Variants in FAM222B observed in about 807,000 individuals in gnomAD.
FAM222B encodes protein FAM222B.
Under a neutral mutation model 38.0 loss-of-function variants are expected in FAM222B, and 12 were observed. That is an observed-to-expected ratio of 0.32 (90% CI 0.20 to 0.51). The LOEUF (loss-of-function observed/expected upper bound fraction) is 0.51, where lower values mean the gene tolerates loss of function less well. Ranked by LOEUF, FAM222B falls within the 20% of genes least tolerant of loss-of-function variation. FAM222B has a pLI of 0.97. For synonymous variants in FAM222B, 329 were observed against 317.2 expected (o/e 1.04, Z -0.40); for missense variants, 716 against 754.2 (o/e 0.95, Z 0.59).
At chr17:28,804,995 G>A (rs2151910748) in intron 1 of FAM222B, among the ~76,000 whole-genome samples, 1 of 151,870 alleles carries the variant, frequency 6.6e-6, no homozygotes, top group African/African-American at 2.4e-5. Flanking sequence ...GCAGTGAGCC[G>A]AGATCACGCC....
intron 1 of FAM222B, among the ~76,000 whole-genome samples, chr17:28,778,715 ATATATTTTTTT>A (rs1407451448): frequency 9.1e-5 from 6 of 66,242 alleles, no homozygotes; most frequent in African/African-American, 3.4e-4. Flanking sequence ...ATATATATAT[ATATATTTTTTT>A]TTTTTTTTTT....
chr17:28,793,742 A>AT (rs1159375528), intron 1 of FAM222B, among the ~76,000 whole-genome samples: 4,765 of 132,762 alleles, frequency 0.036, 189 homozygotes, highest in African/African-American at 0.095. Context: ...TACTCAACCA[A>AT]TTTTTTTTTT....
Position 28,759,757 on chromosome 17 carries a change from C to G in FAM222B, c.202G>C (p.Val68Leu), listed in dbSNP as rs930725478. 1.9e-6 allele frequency: 3 copies of G among 1,613,588 alleles called. No individual in the cohort carries two copies. Among genetic ancestry groups the G allele is most frequent in the Non-Finnish European group, 2.5e-6 (3 of 1,179,798 alleles). Residue 68 changes from valine to leucine, a missense_variant, in exon 3 of 3, where the codon GTT becomes CTT. Coordinates refer to ENST00000581407, the MANE Select transcript of FAM222B (RefSeq NM_001077498.3). The surrounding 1 kb of genome is among the most constrained non-coding windows in gnomAD (Gnocchi z 4.8). ...TIKIFPNSVK[V>L]PQRKHVRRTV... is the part of the protein sequence containing the mutation. ...CGACGAACGTGTTTCCGCTGGGGAA[C>G]CTTCACACTGTTGGGGAAGATTTTT...
At position 28,758,889 on chromosome 17, in the gene FAM222B, G is replaced by A; in HGVS notation, c.1070C>T (p.Pro357Leu). The change falls in exon 3 of 3, where the codon CCT (proline) becomes CTT (leucine). Residue 357 changes from proline (P) to leucine (L), a missense_variant. Physicochemically the swap from Pro to Leu is moderately conservative, Grantham distance 98 (BLOSUM62 -3). Coordinates refer to ENST00000581407, the MANE Select transcript of FAM222B (RefSeq NM_001077498.3). ...TGISRVPTGY[P>L]SDLKPVTWNQ... ...CCAGGTGACTGGCTTGAGGTCGCTAGGGTAGCCAGTGGGGACGCGAGAGAT... is the reference window on the plus strand; with the variant it reads ...CCAGGTGACTGGCTTGAGGTCGCTAAGGTAGCCAGTGGGGACGCGAGAGAT... The A allele has an allele frequency of 6.2e-7, 1 of 1,609,066 alleles. No homozygotes were observed. Among genetic ancestry groups the A allele is most frequent in the Non-Finnish European group, 8.5e-7 (1 of 1,178,246 alleles).
At position 28,756,333 on chromosome 17, in the gene FAM222B, AC is replaced by A. The variant is rs572125001; in HGVS notation, c.*1936del. 44 of 152,570 alleles carry A rather than the reference AC, an allele frequency of 2.9e-4. No individual in the cohort carries two copies. Among genetic ancestry groups the A allele is most frequent in the African/African-American group, 1.0e-3 (42 of 41,464 alleles). The allele number at this position is 152,570 out of a possible 1,614,324, so 9.5% of individuals were successfully genotyped here. On this transcript the variant is annotated 3_prime_UTR_variant, in exon 3 of 3. Transcript: ENST00000581407. Reference sequence around the variant, plus strand: ...GGGAGTGAGAGCTTCAGAGGCTTGCACCCCTACACAGGAAGAGATGGGTTTG... The same window carrying A: ...GGGAGTGAGAGCTTCAGAGGCTTGCACCCTACACAGGAAGAGATGGGTTTG...
intron 1 of FAM222B, among the ~76,000 whole-genome samples, chr17:28,852,747 A>T (rs1021392977): frequency 2.0e-5 from 3 of 152,130 alleles, no homozygotes; most frequent in Non-Finnish European, 4.4e-5. Context: ...CAGGAATTCA[A>T]CCAACTGAAG....
At chr17:28,845,731 T>G (rs1050421481), upstream of FAM222B, among the ~76,000 whole-genome samples, 5 of 146,240 alleles carry the variant, frequency 3.4e-5, no homozygotes, top group African/African-American at 1.3e-4. Context: ...CCATCTCTAC[T>G]AAAAATACAA....
chr17:28,806,571 TA>T (rs2037507136), intron 1 of FAM222B, among the ~76,000 whole-genome samples: 1 of 152,180 alleles, frequency 6.6e-6, no homozygotes, highest in African/African-American at 2.4e-5. Flanking sequence ...GCCTGGGCAA[TA>T]TAATTGGGAC....
intron 1 of FAM222B, among the ~76,000 whole-genome samples, chr17:28,789,801 C>A (rs1188500528): frequency 6.6e-6 from 1 of 152,128 alleles, no homozygotes; most frequent in African/African-American, 2.4e-5. Context: ...AAAGGAAGTG[C>A]TCAAAGAATA....
intron 1 of FAM222B, among the ~76,000 whole-genome samples, chr17:28,854,473 C>T (rs2039210463): frequency 6.6e-6 from 1 of 152,188 alleles, no homozygotes; most frequent in Non-Finnish European, 1.5e-5. Context: ...ACCTGCTCTT[C>T]ATCCCAAACA....
chr17:28,808,297 G>GC lies in FAM222B; in HGVS notation c.-41+34384dup, dbSNP rs1567867112. 2.0e-5 allele frequency among the ~76,000 whole-genome samples: 3 copies of GC among 152,142 alleles called. No homozygotes were observed. In the South Asian group the frequency reaches 6.2e-4, roughly 31 times the overall value. On this transcript the variant is annotated intron_variant, in intron 1 of 2. Transcript: ENST00000581407. The stretch of plus-strand genomic sequence containing the variant: ...AGGAGAGAAATTAATAACAATGCCA[G>GC]CCCAGGTTACCAAAAGCTAAATTGT...
intron 1 of FAM222B, among the ~76,000 whole-genome samples, chr17:28,797,535 GT>G (rs1230183806): frequency 6.6e-6 from 1 of 152,046 alleles, no homozygotes; most frequent in Non-Finnish European, 1.5e-5. Flanking sequence ...ATGGAAAAGG[GT>G]TTTTTTCAGT....
At chr17:28,826,919 T>G (rs2038461689) in intron 1 of FAM222B, among the ~76,000 whole-genome samples, 1 of 151,970 alleles carries the variant, frequency 6.6e-6, no homozygotes, top group Non-Finnish European at 1.5e-5. Context: ...GGTGGGAAGA[T>G]CACTTGAGGC....
intron 1 of FAM222B, among the ~76,000 whole-genome samples, chr17:28,774,368 G>A (rs1021350330): frequency 2.0e-5 from 3 of 152,064 alleles, no homozygotes; most frequent in Admixed American, 6.5e-5. Context: ...GAGAAAGATC[G>A]ATCACTTTGG....
At chr17:28,809,023 C>A (rs1376350676) in intron 1 of FAM222B, among the ~76,000 whole-genome samples, 1 of 151,972 alleles carries the variant, frequency 6.6e-6, no homozygotes, top group East Asian at 1.9e-4. Flanking sequence ...ACATAGAGTC[C>A]TTTTTCTTAA....
rs1567838640 is a variant in FAM222B, at chr17:28,790,883, A to AAATTT, written c.-40-24177_-40-24176insAAATT. On this transcript the variant is annotated intron_variant, in intron 1 of 2. Transcript: ENST00000581407. ...TGTTCTATATATTTCAAATTGTTTC[A>AAATTT]CTTTTTTTTTTTTTTTTTTTTTTTT... is the stretch of plus-strand genomic sequence containing the variant. Among the ~76,000 whole-genome samples, 54 of 8,896 alleles carry AAATTT rather than the reference A, an allele frequency of 6.1e-3. 1 individual carries two copies. The highest frequency in any genetic ancestry group is 0.028 in the African/African-American group (51 of 1,848). 5.8% of individuals were successfully genotyped at this position (8,896 alleles called of 152,430 possible).
At chr17:28,775,930 G>T (rs950585739) in intron 1 of FAM222B, among the ~76,000 whole-genome samples, 1 of 151,176 alleles carries the variant, frequency 6.6e-6, no homozygotes, top group African/African-American at 2.4e-5. Context: ...AACAAAAAGA[G>T]CCGGGCATGG....
chr17:28,845,577 C>CA (rs573364385), upstream of FAM222B, among the ~76,000 whole-genome samples: 6,712 of 128,780 alleles, frequency 0.052, 437 homozygotes, highest in African/African-American at 0.16. Flanking sequence ...GACTCTGTCT[C>CA]AAAAAAAAAA....
At chr17:28,797,127 C>T (rs2036980362) in intron 1 of FAM222B, among the ~76,000 whole-genome samples, 1 of 151,528 alleles carries the variant, frequency 6.6e-6, no homozygotes, top group Non-Finnish European at 1.5e-5. Flanking sequence ...CTCAGCCTCC[C>T]GAGTAGCTGG....
Sources: gnomAD v4.1 joint callset for allele counts (sites outside exome capture counted in the v4.1 genomes callset) on GRCh38, gnomAD v4.1.1 for gene constraint, Gnocchi (gnomAD v3.1) non-coding constraint, MANE v1.5 for transcripts, NCBI Gene and HGNC (gene_info 2026-07-23, HGNC 2026-07-21) for gene names.